The following ANO10 variants were observed in gnomAD, a reference collection of about 807,000 sequenced individuals.
The protein encoded by ANO10 is anoctamin-10.
A neutral mutation model predicts 74.7 loss-of-function variants in ANO10; 77 were observed. The ratio of observed to expected loss-of-function variants is 1.03; its 90% confidence interval spans 0.86 to 1.25. The LOEUF (loss-of-function observed/expected upper bound fraction) is 1.25, where lower values mean the gene tolerates loss of function less well. ANO10 is among the 50% of genes most tolerant of loss of function. The pLI, the probability that ANO10 is intolerant of heterozygous loss-of-function variation, is 0.00. For missense variants in ANO10, 721 were observed against 778.1 expected (o/e 0.93, Z 0.87); for synonymous variants, 279 against 284.9 (o/e 0.98, Z 0.21).
chr3:43,660,410 AT>A (rs2083912518), intron 1 of ANO10, among the ~76,000 whole-genome samples: 2 of 152,144 alleles, frequency 1.3e-5, no homozygotes, highest in African/African-American at 4.8e-5. Flanking sequence ...AAATGACCTG[AT>A]GGAGCTGAAA....
chr3:43,626,093 C>T (rs1420436107), upstream of ANO10, among the ~76,000 whole-genome samples: 1 of 151,986 alleles, frequency 6.6e-6, no homozygotes, highest in Non-Finnish European at 1.5e-5. Flanking sequence ...GCCACCACAC[C>T]CAACTAATTT....
chr3:43,557,727 T>G (rs1212300725), intron 9 of ANO10, among the ~76,000 whole-genome samples: 1 of 127,516 alleles, frequency 7.8e-6, no homozygotes. Flanking sequence ...AGAGCGAGAC[T>G]CTGTCTCAAA....
chr3:43,513,586 T>C (rs960311161), intron 11 of ANO10, among the ~76,000 whole-genome samples: 6 of 152,304 alleles, frequency 3.9e-5, no homozygotes, highest in African/African-American at 7.2e-5. Flanking sequence ...CTCCACTCAC[T>C]GCAAGCTCCA....
chr3:43,555,223 A>C (rs1575415371), intron 10 of ANO10, 55 bp downstream of exon 10: 5 of 1,572,262 alleles, frequency 3.2e-6, no homozygotes, highest in African/African-American at 1.4e-5. Context: ...TTTCCCTGTC[A>C]TAACACCTCG....
At chr3:43,405,844 T>A (rs2092566850) in intron 12 of ANO10, among the ~76,000 whole-genome samples, 1 of 152,198 alleles carries the variant, frequency 6.6e-6, no homozygotes, top group Admixed American at 6.5e-5. Context: ...TATTGACAAA[T>A]GAATCTCATA....
At chr3:43,543,114 ATC>A (rs995859412) in intron 11 of ANO10, among the ~76,000 whole-genome samples, 4 of 151,994 alleles carry the variant, frequency 2.6e-5, no homozygotes, top group Non-Finnish European at 2.9e-5. Flanking sequence ...ATATCTATAA[ATC>A]TCTCTCTCTT....
intron 11 of ANO10, among the ~76,000 whole-genome samples, chr3:43,444,045 A>G (rs1347053641): frequency 1.3e-5 from 2 of 152,208 alleles, no homozygotes; most frequent in Non-Finnish European, 2.9e-5. Flanking sequence ...GACCAAATTA[A>G]TGCAAGAAAA....
intron 1 of ANO10, among the ~76,000 whole-genome samples, chr3:43,613,353 C>T (rs1227739703): frequency 6.6e-6 from 1 of 152,000 alleles, no homozygotes; most frequent in African/African-American, 2.4e-5. Flanking sequence ...AATTTTGGAC[C>T]AGGCAATGGG....
chr3:43,366,707 G>A lies in ANO10; in HGVS notation c.*199C>T, dbSNP rs1366274823. On this transcript the variant is annotated 3_prime_UTR_variant, in exon 13 of 13. Coordinates refer to ENST00000292246, the MANE Select transcript of ANO10 (RefSeq NM_018075.5). ...GGAAGGAGCAGACAGGGTGGGGCTG[G>A]GGGAACTGCCAAGGATCCCGAGCCA... The A allele has an allele frequency of 6.3e-6, 4 of 638,892 alleles. No individual in the cohort carries two copies. The highest frequency in any genetic ancestry group is 3.6e-5 in the African/African-American group (2 of 55,532). 39.6% of individuals were successfully genotyped at this position (638,892 alleles called of 1,614,324 possible).
At chr3:43,568,161 CA>C (rs200362999) in intron 7 of ANO10, among the ~76,000 whole-genome samples, 67,522 of 151,942 alleles carry the variant, frequency 0.44, 17,882 homozygotes, top group East Asian at 0.77. Context: ...GCACCCAATA[CA>C]GGAGCACCAA....
chr3:43,396,337 T>C (rs2092380526), intron 12 of ANO10, among the ~76,000 whole-genome samples: 1 of 152,066 alleles, frequency 6.6e-6, no homozygotes. Flanking sequence ...TCGCTTCACG[T>C]TTGATAAGGT....
intron 11 of ANO10, among the ~76,000 whole-genome samples, chr3:43,467,248 T>C (rs908921262): frequency 6.6e-6 from 1 of 152,148 alleles, no homozygotes; most frequent in Non-Finnish European, 1.5e-5. Flanking sequence ...ACTAAAGTAT[T>C]TACCCAAGAG....
At chr3:43,389,268 C>A (rs1286630369) in intron 12 of ANO10, among the ~76,000 whole-genome samples, 4 of 152,144 alleles carry the variant, frequency 2.6e-5, no homozygotes, top group Non-Finnish European at 5.9e-5. Flanking sequence ...TTATATGAAG[C>A]CAAGAACAGC....
chr3:43,403,007 A>C (rs2092511271), intron 12 of ANO10, among the ~76,000 whole-genome samples: 1 of 152,176 alleles, frequency 6.6e-6, no homozygotes. Context: ...CCCAGAAGCA[A>C]ACACACTTTG....
At chr3:43,606,164 G>C (rs1040365809) in intron 1 of ANO10, among the ~76,000 whole-genome samples, 2 of 152,162 alleles carry the variant, frequency 1.3e-5, no homozygotes, top group African/African-American at 2.4e-5. Context: ...GAATAAGAAA[G>C]TATTTTCAAA....
chr3:43,439,075 A>C (rs997348007), intron 11 of ANO10, among the ~76,000 whole-genome samples: 1 of 152,146 alleles, frequency 6.6e-6, no homozygotes, highest in Non-Finnish European at 1.5e-5. Flanking sequence ...AGAGGCCTAC[A>C]CCAAGACACA....
rs182811331 is a variant in ANO10 at position 43,597,528 on chromosome 3, C to T, written c.472+1004G>A. ...ATCGCAAGGACAGAAAACCAAACAC[C>T]GCATGTTCTCACTCATAGATGGGAG... is the stretch of plus-strand genomic sequence containing the variant. On this transcript the variant is annotated intron_variant, in intron 4 of 12. Coordinates refer to ENST00000292246, the MANE Select transcript of ANO10 (RefSeq NM_018075.5). Among the ~76,000 whole-genome samples, 718 of 152,070 alleles carry T rather than the reference C, an allele frequency of 4.7e-3. 5 individuals carry two copies. Among genetic ancestry groups the T allele is most frequent in the African/African-American group, 0.017 (689 of 41,468 alleles).
chr3:43,680,761 G>C (rs1000457922), intron 1 of ANO10, among the ~76,000 whole-genome samples: 1 of 151,868 alleles, frequency 6.6e-6, no homozygotes, highest in African/African-American at 2.4e-5. Flanking sequence ...AGCCAGAAGA[G>C]AGTGGGGGCC....
intron 12 of ANO10, among the ~76,000 whole-genome samples, chr3:43,410,124 G>A (rs1378574534): frequency 4.6e-5 from 7 of 151,764 alleles, no homozygotes; most frequent in East Asian, 1.9e-4. Context: ...CTTCCCTTAC[G>A]AAATCTTCCG....
Sources: allele counts gnomAD v4.1 joint callset (sites outside exome capture counted in the v4.1 genomes callset), GRCh38; gene constraint gnomAD v4.1.1; transcripts MANE v1.5; gene names NCBI Gene and HGNC (gene_info 2026-07-23, HGNC 2026-07-21).